The following DPT variants were observed in gnomAD, a reference collection of about 807,000 sequenced individuals.
The protein encoded by DPT is tyrosine-rich acidic matrix protein.
A neutral mutation model predicts 31.2 loss-of-function variants in DPT; 21 were observed. The ratio of observed to expected loss-of-function variants is 0.67; its 90% CI spans 0.48 to 0.97. The LOEUF (loss-of-function observed/expected upper bound fraction) is 0.97. Among genes scored for constraint, DPT ranks in the 50% least tolerant of loss-of-function variants. The probability of loss-of-function intolerance (pLI) is 0.00; values close to 1 mark genes in which losing one functional copy is unlikely to be tolerated. For missense variants in DPT, 262 were observed against 258.8 expected (o/e 1.01, Z -0.08); for synonymous variants, 91 against 86.9 (o/e 1.05, Z -0.26).
chr1:168,714,314 G>A lies in DPT; in HGVS notation c.338C>T (p.Ala113Val). 6.2e-7 allele frequency: 1 copy of A among 1,614,020 alleles called. No individual in the cohort carries two copies. The highest frequency in any genetic ancestry group is 8.5e-7 in the Non-Finnish European group (1 of 1,180,016). Residue 113 changes from alanine to valine, a missense_variant, in exon 2 of 4, where the codon GCA becomes GTA. Coordinates refer to ENST00000367817, the MANE Select transcript of DPT (RefSeq NM_001937.5). ...YQTCSNNGLV[A>V]GFQSRYFESV... ...CTCGAAGTAGCGGCTCTGGAATCCT[G>A]CCACCAGCCCATTGTTGGAGCACGT...
intron 2 of DPT, among the ~76,000 whole-genome samples, chr1:168,702,879 C>T (rs559206216): frequency 1.2e-4 from 19 of 152,054 alleles, no homozygotes; most frequent in African/African-American, 4.1e-4. Flanking sequence ...CCCAAAGTGC[C>T]GGGATTACAT....
chr1:168,695,976 C>T lies in DPT; in HGVS notation c.*573G>A, dbSNP rs571871531. The stretch of plus-strand genomic sequence containing the variant: ...CTGCCTCCAAACCCTTCCATTTCCC[C>T]ATTTCACCTCCCAGTCTCCTCACTC... On this transcript the variant is annotated 3_prime_UTR_variant, in exon 4 of 4. Coordinates refer to ENST00000367817, the MANE Select transcript of DPT (RefSeq NM_001937.5). 5 of 389,022 alleles carry T rather than the reference C, an allele frequency of 1.3e-5. No homozygotes were observed. In the South Asian group the frequency reaches 5.8e-4, roughly 45 times the overall value. The allele number at this position is 389,022 out of a possible 1,614,324, so 24.1% of individuals were successfully genotyped here.
At chr1:168,704,376 C>A (rs561974685) in intron 2 of DPT, among the ~76,000 whole-genome samples, 1 of 152,300 alleles carries the variant, frequency 6.6e-6, no homozygotes, top group South Asian at 2.1e-4. Context: ...TTTCTCCTTT[C>A]CCCTAAAGTA....
chr1:168,723,623 A>G (rs1650169896), intron 1 of DPT, among the ~76,000 whole-genome samples: 1 of 152,128 alleles, frequency 6.6e-6, no homozygotes, highest in Non-Finnish European at 1.5e-5. Flanking sequence ...TTCTACTGAT[A>G]TTTATATCTA....
At chr1:168,722,457 T>C (rs1038751953) in intron 1 of DPT, among the ~76,000 whole-genome samples, 5 of 152,222 alleles carry the variant, frequency 3.3e-5, no homozygotes, top group Non-Finnish European at 5.9e-5. Flanking sequence ...CATGATAAAG[T>C]AATAATAAAT....
intron 2 of DPT, among the ~76,000 whole-genome samples, chr1:168,705,961 C>A (rs924235878): frequency 6.6e-6 from 1 of 152,094 alleles, no homozygotes; most frequent in Non-Finnish European, 1.5e-5. Flanking sequence ...CTTGCTCCTC[C>A]TTGCCTTCCA....
chr1:168,702,987 C>A (rs1649637921), intron 2 of DPT, among the ~76,000 whole-genome samples: 1 of 152,036 alleles, frequency 6.6e-6, no homozygotes, highest in South Asian at 2.1e-4. Context: ...AGAATTCTAA[C>A]AAGGACTGTA....
chr1:168,711,165 C>A (rs1572628554), intron 2 of DPT, among the ~76,000 whole-genome samples: 1 of 138,922 alleles, frequency 7.2e-6, no homozygotes, highest in East Asian at 2.0e-4. Context: ...TGCCTGCCAC[C>A]AAGCCTGGCT....
At chr1:168,721,757 G>A (rs955024221) in intron 1 of DPT, among the ~76,000 whole-genome samples, 12 of 152,340 alleles carry the variant, frequency 7.9e-5, no homozygotes, top group African/African-American at 2.9e-4. Flanking sequence ...ACAATGCAAA[G>A]TTTTTGAACA....
intron 2 of DPT, among the ~76,000 whole-genome samples, chr1:168,713,463 G>A (rs971630305): frequency 7.2e-5 from 11 of 152,182 alleles, no homozygotes; most frequent in African/African-American, 2.2e-4. Flanking sequence ...ACTTGAGGGA[G>A]CCAACCTTCA....
chr1:168,714,028 T>TG (rs909164410), intron 2 of DPT, among the ~76,000 whole-genome samples, 193 bp downstream of exon 2: 3 of 152,304 alleles, frequency 2.0e-5, no homozygotes, highest in Admixed American at 6.5e-5. Context: ...AAGAAGGATG[T>TG]GGGGGGTTGG....
At chr1:168,705,822 C>T (rs12077038) in intron 2 of DPT, among the ~76,000 whole-genome samples, 4,037 of 152,196 alleles carry the variant, frequency 0.027, 182 homozygotes, top group African/African-American at 0.092. Flanking sequence ...GTAATTGAAC[C>T]TTTGGGCAGG....
intron 2 of DPT, among the ~76,000 whole-genome samples, chr1:168,703,930 C>T (rs963567252): frequency 2.0e-5 from 3 of 152,150 alleles, no homozygotes; most frequent in African/African-American, 4.8e-5. Flanking sequence ...CATGTGCACG[C>T]GCACACACAC....
chr1:168,729,070 A>G lies in DPT; in HGVS notation c.105T>C (p.Asp35=), dbSNP rs1352981808. The change falls in exon 1 of 4, where the codon GAT becomes GAC. Residue 35 remains aspartate (D), a synonymous_variant. Transcript: ENST00000367817. ...GCCGGTTCAAATTCACCCACCCATC[A>G]TCGCTGTAGTCATGATACTGCTGGT... ...YPYQQYHDYS[D]DGWVNLNRQG... 6.2e-7 allele frequency: 1 copy of G among 1,614,180 alleles called. No individual in the cohort carries two copies. The highest frequency in any genetic ancestry group is 1.7e-5 in the Admixed American group (1 of 60,026).
Position 168,729,081 on chromosome 1 carries a change from C to G in DPT, c.94G>C (p.Asp32His), listed in dbSNP as rs1245806726. Residue 32 changes from aspartate (D) to histidine (H), a missense_variant, in exon 1 of 4, where the codon GAC becomes CAC. Asp to His is a moderately conservative substitution (Grantham distance 81). Coordinates refer to ENST00000367817, the MANE Select transcript of DPT (RefSeq NM_001937.5). Reference protein sequence around the residue: ...DYGYPYQQYHDYSDDGWVNLN... With the variant: ...DYGYPYQQYHHYSDDGWVNLN... ...TTCACCCACCCATCATCGCTGTAGT[C>G]ATGATACTGCTGGTATGGGTATCCA... The G allele has an allele frequency of 6.8e-6, 11 of 1,614,086 alleles. No individual in the cohort carries two copies. The highest frequency in any genetic ancestry group is 9.3e-6 in the Non-Finnish European group (11 of 1,180,056).
At chr1:168,723,540 A>C (rs1028854174) in intron 1 of DPT, among the ~76,000 whole-genome samples, 1 of 152,222 alleles carries the variant, frequency 6.6e-6, no homozygotes, top group Non-Finnish European at 1.5e-5. Flanking sequence ...GGGCCATAGA[A>C]CCTATACTTA....
At chr1:168,720,764 C>T (rs1335132107) in intron 1 of DPT, among the ~76,000 whole-genome samples, 1 of 152,174 alleles carries the variant, frequency 6.6e-6, no homozygotes, top group African/African-American at 2.4e-5. Context: ...TCTTTCCCGC[C>T]CCAAAGGTGG....
chr1:168,708,972 T>TA (rs942450264), intron 2 of DPT, among the ~76,000 whole-genome samples: 2 of 152,092 alleles, frequency 1.3e-5, no homozygotes, highest in African/African-American at 4.8e-5. Flanking sequence ...TACAGGAATT[T>TA]AAAAAAAGCA....
At chr1:168,698,276 TG>T (rs1474804061) in intron 3 of DPT, among the ~76,000 whole-genome samples, 1 of 152,150 alleles carries the variant, frequency 6.6e-6, no homozygotes, top group African/African-American at 2.4e-5. Flanking sequence ...CAAATCTGGG[TG>T]ATCAACTTGA....
Sources: gnomAD v4.1 joint callset for allele counts (sites outside exome capture counted in the v4.1 genomes callset) on GRCh38, gnomAD v4.1.1 for gene constraint, MANE v1.5 for transcripts, NCBI Gene and HGNC (gene_info 2026-07-23, HGNC 2026-07-21) for gene names.